Variants in RAD51B observed in about 807,000 individuals in gnomAD.
The protein encoded by RAD51B is DNA repair protein RAD51 homolog 2.
In RAD51B, 38 loss-of-function variants were observed where a neutral mutation model predicts 42.2. The observed-to-expected ratio is 0.90, with a 90% CI of 0.70 to 1.18. The LOEUF (loss-of-function observed/expected upper bound fraction) is 1.18. Ranked by LOEUF, RAD51B falls within the 50% of genes most tolerant of loss-of-function variation. The pLI is 0.00. For missense variants in RAD51B, 373 were observed against 400.7 expected (o/e 0.93, Z 0.59); for synonymous variants, 154 against 145.2 (o/e 1.06, Z -0.43).
intron 10 of RAD51B, among the ~76,000 whole-genome samples, chr14:68,648,112 C>CGCATATATACGTGT: frequency 2.5e-5 from 1 of 39,510 alleles, no homozygotes; most frequent in Non-Finnish European, 4.6e-5. Context: ...TATACACACA[C>CGCATATATACGTGT]GTATATATAT....
At chr14:67,827,723 A>G (rs937673064) in intron 3 of RAD51B, among the ~76,000 whole-genome samples, 3 of 152,146 alleles carry the variant, frequency 2.0e-5, no homozygotes, top group African/African-American at 7.2e-5. Context: ...CCCACTTATA[A>G]GTGAGAACAC....
At chr14:68,602,178 TC>T (rs1274261351) in intron 10 of RAD51B, among the ~76,000 whole-genome samples, 1 of 152,000 alleles carries the variant, frequency 6.6e-6, no homozygotes, top group Admixed American at 6.6e-5. Context: ...CTCCAGCTCT[TC>T]CCACCATGTG....
intron 7 of RAD51B, among the ~76,000 whole-genome samples, chr14:68,016,775 T>C (rs1487427593): frequency 6.6e-6 from 1 of 152,192 alleles, no homozygotes; most frequent in Non-Finnish European, 1.5e-5. Context: ...ATCATAGCAT[T>C]AGTAGTAACA....
chr14:68,371,054 A>AAAAAAAAAAAAAAAAAAAAAAAAAAAT (rs1416597098), intron 8 of RAD51B, among the ~76,000 whole-genome samples: 1 of 88,828 alleles, frequency 1.1e-5, no homozygotes, highest in African/African-American at 4.6e-5. Flanking sequence ...AAAAAAAAAA[A>AAAAAAAAAAAAAAAAAAAAAAAAAAAT]AGAAAAAAAG....
intron 7 of RAD51B, among the ~76,000 whole-genome samples, chr14:67,931,466 A>G (rs1241451418): frequency 2.1e-5 from 3 of 144,338 alleles, no homozygotes; most frequent in Admixed American, 6.9e-5. Flanking sequence ...GGGCTTCTTT[A>G]GTATCATAAT....
chr14:68,544,103 C>G (rs1450643103), intron 10 of RAD51B, among the ~76,000 whole-genome samples: 2 of 152,170 alleles, frequency 1.3e-5, no homozygotes, highest in African/African-American at 2.4e-5. Flanking sequence ...ATCAATTTAA[C>G]TAACTTTCAT....
At chr14:68,293,008 C>T (rs564442024) in intron 8 of RAD51B, among the ~76,000 whole-genome samples, 15 of 152,240 alleles carry the variant, frequency 9.9e-5, no homozygotes, top group Non-Finnish European at 1.5e-4. Flanking sequence ...TACTTCTTTC[C>T]GCATGTATCT....
chr14:68,324,638 A>G (rs1225708585), intron 8 of RAD51B, among the ~76,000 whole-genome samples: 1 of 152,224 alleles, frequency 6.6e-6, no homozygotes, highest in African/African-American at 2.4e-5. Flanking sequence ...TTCATGTTGT[A>G]TATTAATGTT....
Position 68,112,349 on chromosome 14 carries a change from C to G in RAD51B, c.757-179535C>G, listed in dbSNP as rs567688331. ...GATCTCGCTTGCCATCCCCTCCACA[C>G]CTTCTTTATTTTCTGAAGATTTAGA... On this transcript the variant is annotated intron_variant, in intron 7 of 10. Transcript: ENST00000471583. Among the ~76,000 whole-genome samples the G allele has an allele frequency of 1.4e-4, 21 of 152,118 alleles. No homozygotes were observed. The South Asian group carries it at 3.7e-3, about 27-fold the overall frequency.
intron 7 of RAD51B, among the ~76,000 whole-genome samples, chr14:68,115,529 A>C (rs539471833): frequency 7.1e-6 from 1 of 140,454 alleles, no homozygotes; most frequent in South Asian, 2.2e-4. Context: ...CATGTACCCT[A>C]AAACTTAAAG....
At chr14:67,980,466 A>C (rs1046057334) in intron 7 of RAD51B, among the ~76,000 whole-genome samples, 2 of 152,174 alleles carry the variant, frequency 1.3e-5, no homozygotes, top group African/African-American at 2.4e-5. Context: ...AAAGTGGAAA[A>C]AATTAGAGGA....
intron 10 of RAD51B, chr14:68,563,320 G>C: frequency 1.0e-6 from 1 of 985,392 alleles, no homozygotes; most frequent in Non-Finnish European, 1.2e-6. Flanking sequence ...CTCGGGGCGT[G>C]CTCCTTCTTC....
At chr14:67,834,915 T>A (rs2041179383) in intron 3 of RAD51B, among the ~76,000 whole-genome samples, 165 bp from the exon 4 acceptor site, 1 of 152,174 alleles carries the variant, frequency 6.6e-6, no homozygotes, top group Non-Finnish European at 1.5e-5. Context: ...CCCCATAATC[T>A]AGCACAGTCC....
At chr14:68,497,039 C>T (rs904756231) in intron 10 of RAD51B, 21 of 1,232,018 alleles carry the variant, frequency 1.7e-5, no homozygotes, top group Admixed American at 2.5e-5. Context: ...CAATAAACAA[C>T]AGTTTTAGCC....
At chr14:68,067,734 G>C (rs549789933) in intron 7 of RAD51B, among the ~76,000 whole-genome samples, 3 of 151,272 alleles carry the variant, frequency 2.0e-5, no homozygotes, top group Non-Finnish European at 4.4e-5. Context: ...GTTTGAGACC[G>C]TCATGGGCAA....
chr14:67,920,693 T>C (rs2140133653), intron 7 of RAD51B, among the ~76,000 whole-genome samples: 1 of 152,318 alleles, frequency 6.6e-6, no homozygotes. Context: ...TCAACAAACA[T>C]TGATGGCATA....
At chr14:68,081,564 C>T (rs1182140276) in intron 7 of RAD51B, among the ~76,000 whole-genome samples, 4 of 152,216 alleles carry the variant, frequency 2.6e-5, no homozygotes, top group Non-Finnish European at 5.9e-5. Context: ...TTATAATAAG[C>T]ATGTTGAATT....
intron 10 of RAD51B, among the ~76,000 whole-genome samples, chr14:68,592,620 C>T (rs1890805096): frequency 1.3e-5 from 2 of 152,172 alleles, no homozygotes; most frequent in Middle Eastern, 3.2e-3. Context: ...TCTTCTGCCA[C>T]GTATCATAGA....
At chr14:67,940,519 C>G (rs1282813560) in intron 7 of RAD51B, among the ~76,000 whole-genome samples, 1 of 152,084 alleles carries the variant, frequency 6.6e-6, no homozygotes, top group African/African-American at 2.4e-5. Flanking sequence ...AACACAATAA[C>G]AATAGTGTAG....
Sources: gnomAD v4.1 joint callset for allele counts (sites outside exome capture counted in the v4.1 genomes callset) on GRCh38, gnomAD v4.1.1 for gene constraint, MANE v1.5 for transcripts, NCBI Gene and HGNC (gene_info 2026-07-23, HGNC 2026-07-21) for gene names.